Variants in SPON1 observed in about 807,000 individuals in gnomAD.
SPON1 encodes the protein spondin-1.
SPON1 carries 52 observed loss-of-function variants against 111.7 expected under a neutral mutation model. The ratio of observed to expected loss-of-function variants is 0.47; its 90% CI spans 0.37 to 0.59. The LOEUF (loss-of-function observed/expected upper bound fraction) is 0.59. Among genes scored for constraint, SPON1 ranks in the 20% least tolerant of loss-of-function variants. The pLI is 0.00. For synonymous variants in SPON1, 410 were observed against 395.8 expected, an observed-to-expected ratio of 1.04 and a Z score of -0.43; for missense variants, 957 against 1,068.5, an observed-to-expected ratio of 0.90 and a Z score of 1.46.
intron 2 of SPON1, among the ~76,000 whole-genome samples, chr11:13,992,094 G>T (rs1304901903): frequency 1.3e-5 from 2 of 151,340 alleles, no homozygotes; most frequent in Non-Finnish European, 3.0e-5. Flanking sequence ...TGCTGTGCTG[G>T]GAGGTCCACT....
At chr11:13,964,983 GA>G (rs35312135) in intron 1 of SPON1, among the ~76,000 whole-genome samples, 122,198 of 148,776 alleles carry the variant, frequency 0.82, 50,201 homozygotes, top group East Asian at 0.97. Flanking sequence ...TTCCTAGCTG[GA>G]AAAAAAAAAA....
chr11:14,217,922 G>C (rs1417456526), intron 6 of SPON1, among the ~76,000 whole-genome samples: 1 of 152,178 alleles, frequency 6.6e-6, no homozygotes, highest in African/African-American at 2.4e-5. Context: ...TTGGGGACTT[G>C]TTAGAACTGC....
intron 2 of SPON1, among the ~76,000 whole-genome samples, chr11:14,001,763 C>A (rs1554912477): frequency 6.6e-6 from 1 of 151,942 alleles, no homozygotes; most frequent in African/African-American, 2.4e-5. Flanking sequence ...GAAAGAATGA[C>A]AAACAAACAT....
At chr11:14,071,023 A>G (rs1564898361) in intron 3 of SPON1, among the ~76,000 whole-genome samples, 1 of 152,182 alleles carries the variant, frequency 6.6e-6, no homozygotes, top group Non-Finnish European at 1.5e-5. Context: ...AGCATTCAGT[A>G]TATAAATGCT....
Position 14,242,955 on chromosome 11 carries a change from C to G in SPON1, c.826-377C>G, listed in dbSNP as rs138953800. Among the ~76,000 whole-genome samples the G allele has an allele frequency of 4.4e-3, 668 of 152,332 alleles. 5 individuals carry two copies. The highest frequency in any genetic ancestry group is 6.3e-3 in the Non-Finnish European group (429 of 68,024). On this transcript the variant is annotated intron_variant, in intron 6 of 15. Transcript: ENST00000576479. Reference sequence around the variant, plus strand: ...TCCTGCTGACCCAGCTGGCCTGGAGCAGGCCCCACTCAGTTGCTGGACACA... The same window carrying G: ...TCCTGCTGACCCAGCTGGCCTGGAGGAGGCCCCACTCAGTTGCTGGACACA...
At chr11:14,257,326 T>A (rs1849120291) in intron 10 of SPON1, among the ~76,000 whole-genome samples, 1 of 152,210 alleles carries the variant, frequency 6.6e-6, no homozygotes, top group Non-Finnish European at 1.5e-5. Flanking sequence ...CTCTTATTCT[T>A]ACCATGACAA....
chr11:14,174,939 A>G (rs944133656), intron 6 of SPON1, among the ~76,000 whole-genome samples: 26 of 151,752 alleles, frequency 1.7e-4, no homozygotes, highest in African/African-American at 5.1e-4. Flanking sequence ...AGGTGCTTCA[A>G]AGGCATGGTA....
At chr11:13,991,060 C>T (rs972345102) in intron 2 of SPON1, among the ~76,000 whole-genome samples, 1 of 152,112 alleles carries the variant, frequency 6.6e-6, no homozygotes, top group Non-Finnish European at 1.5e-5. Flanking sequence ...CTTGGGGTTG[C>T]TCTTCTCGAG....
intron 2 of SPON1, among the ~76,000 whole-genome samples, chr11:14,034,972 C>T (rs1554916459): frequency 6.6e-6 from 1 of 152,244 alleles, no homozygotes; most frequent in African/African-American, 2.4e-5. Context: ...TCACTGGACT[C>T]ACTATTCTGC....
At chr11:14,154,995 A>G (rs952604293) in intron 6 of SPON1, among the ~76,000 whole-genome samples, 3 of 152,180 alleles carry the variant, frequency 2.0e-5, no homozygotes, top group Non-Finnish European at 4.4e-5. Flanking sequence ...TCTCTTTGCT[A>G]AGGCATAGCA....
intron 6 of SPON1, among the ~76,000 whole-genome samples, chr11:14,229,144 C>G (rs1248224247): frequency 2.0e-5 from 3 of 152,198 alleles, no homozygotes; most frequent in Non-Finnish European, 4.4e-5. Context: ...CAGATCCTCT[C>G]ACAATTCACA....
intron 5 of SPON1, among the ~76,000 whole-genome samples, chr11:14,125,425 G>A (rs1847447414): frequency 6.6e-6 from 1 of 152,158 alleles, no homozygotes; most frequent in Non-Finnish European, 1.5e-5. Context: ...AGGAGGAGGG[G>A]AGCCTAGAAC....
At chr11:14,163,744 C>A (rs1554931631) in intron 6 of SPON1, among the ~76,000 whole-genome samples, 1 of 152,154 alleles carries the variant, frequency 6.6e-6, no homozygotes, top group African/African-American at 2.4e-5. Flanking sequence ...GGTTCCTGAG[C>A]TACCATTCTT....
chr11:14,045,455 G>A (rs560719607), intron 3 of SPON1, among the ~76,000 whole-genome samples: 1 of 152,020 alleles, frequency 6.6e-6, no homozygotes, highest in South Asian at 2.1e-4. Flanking sequence ...GCATGCGCCT[G>A]TAATCCCAGC....
chr11:14,158,868 A>G (rs892089044), intron 6 of SPON1, among the ~76,000 whole-genome samples: 5 of 152,088 alleles, frequency 3.3e-5, no homozygotes, highest in African/African-American at 4.8e-5. Flanking sequence ...TTTCTCTTGC[A>G]TCTTTCTGAT....
intron 5 of SPON1, among the ~76,000 whole-genome samples, chr11:14,123,684 G>T (rs904724948): frequency 2.0e-5 from 3 of 152,104 alleles, no homozygotes; most frequent in Admixed American, 6.5e-5. Flanking sequence ...TCTCCATGCA[G>T]CTTCCTCCTC....
At chr11:14,142,935 C>G (rs1458066755) in intron 6 of SPON1, among the ~76,000 whole-genome samples, 1 of 152,200 alleles carries the variant, frequency 6.6e-6, no homozygotes, top group East Asian at 1.9e-4. Context: ...CCACACTGCC[C>G]CCAGTGTCAG....
chr11:14,149,677 T>C (rs1303197502), intron 6 of SPON1, among the ~76,000 whole-genome samples: 2 of 152,174 alleles, frequency 1.3e-5, no homozygotes, highest in African/African-American at 4.8e-5. Flanking sequence ...ATTTTAATGG[T>C]ACCTTGATAT....
chr11:13,974,750 G>A (rs782290093), intron 1 of SPON1, among the ~76,000 whole-genome samples: 6 of 152,116 alleles, frequency 3.9e-5, no homozygotes, highest in Non-Finnish European at 7.4e-5. Context: ...AATATGAAAT[G>A]TCCTAGCGCA....
Sources: allele counts gnomAD v4.1 joint callset (sites outside exome capture counted in the v4.1 genomes callset), GRCh38; gene constraint gnomAD v4.1.1; transcripts MANE v1.5; gene names NCBI Gene and HGNC (gene_info 2026-07-23, HGNC 2026-07-21).